Variants in SCN1A observed in about 807,000 individuals in gnomAD.
The protein encoded by SCN1A is sodium channel protein type 1 subunit alpha.
Under a neutral mutation model 193.7 loss-of-function variants are expected in SCN1A, and 13 were observed. The ratio of observed to expected loss-of-function variants is 0.07; its 90% CI spans 0.04 to 0.11. The LOEUF (loss-of-function observed/expected upper bound fraction) is 0.11, where lower values mean the gene tolerates loss of function less well. Ranked by LOEUF, SCN1A falls within the 10% of genes least tolerant of loss-of-function variation. SCN1A has a pLI of 1.00. For missense variants in SCN1A, 1,432 were observed against 2,451.1 expected, an observed-to-expected ratio of 0.58 and a Z score of 8.78; for synonymous variants, 781 against 843.6, an observed-to-expected ratio of 0.93 and a Z score of 1.29.
intron 1 of SCN1A, among the ~76,000 whole-genome samples, chr2:166,141,163 T>C (rs1275892291): frequency 6.6e-6 from 1 of 152,028 alleles, no homozygotes; most frequent in African/African-American, 2.4e-5. Flanking sequence ...TGCTTGTACA[T>C]ACTATTTAGA....
chr2:166,089,828 A>T (rs927475514), intron 2 of SCN1A, among the ~76,000 whole-genome samples: 13 of 152,154 alleles, frequency 8.5e-5, no homozygotes, highest in Non-Finnish European at 4.4e-5. Flanking sequence ...AACATGGATG[A>T]TGGTAAATGT....
In SCN1A at chr2:166,121,382, A is replaced by AT. The variant is rs34955939; in HGVS notation, c.-142+5541dup. ...TTCAGTTACTTATTGTAATACTTTA[A>AT]TTTTTTTTTACCAATTCCCCATGAA... On this transcript the variant is annotated intron_variant, in intron 2 of 28. Coordinates refer to ENST00000674923, the MANE Select transcript of SCN1A (RefSeq NM_001165963.4). 1.6e-3 allele frequency among the ~76,000 whole-genome samples: 247 copies of AT among 151,720 alleles called. 3 individuals are homozygous for AT. The highest frequency in any genetic ancestry group is 1.2e-3 in the South Asian group (6 of 4,806).
intron 1 of SCN1A, among the ~76,000 whole-genome samples, chr2:166,133,539 T>C (rs1053929735): frequency 7.9e-5 from 12 of 152,226 alleles, no homozygotes; most frequent in African/African-American, 2.7e-4. Flanking sequence ...TATCACTTGA[T>C]GTAATAGCAT....
At chr2:166,033,889 T>C (rs1412318227) in intron 19 of SCN1A, among the ~76,000 whole-genome samples, 1 of 152,158 alleles carries the variant, frequency 6.6e-6, no homozygotes, top group African/African-American at 2.4e-5. Flanking sequence ...CATCAAATGC[T>C]AAATGTAGGT....
At chr2:166,097,507 T>G (rs1687523772) in intron 2 of SCN1A, among the ~76,000 whole-genome samples, 1 of 152,156 alleles carries the variant, frequency 6.6e-6, no homozygotes, top group Non-Finnish European at 1.5e-5. Context: ...TTTAAAAAAA[T>G]GCTTATACGT....
rs16851338 is a variant in SCN1A at position 165,992,693 on chromosome 2, A to G, written c.4853-271T>C. 0.051 allele frequency: 9,029 copies of G among 177,598 alleles called. 872 individuals are homozygous for G. Among genetic ancestry groups the G allele is most frequent in the African/African-American group, 0.2 (8,482 of 41,952 alleles). The allele number at this position is 177,598 out of a possible 1,614,324, so 11.0% of individuals were successfully genotyped here. A position where few individuals can be genotyped will look rare whatever the true frequency, so the allele number is the denominator to read the frequency against. ...TACTTTTAGTTTATGTAAAGTCCCA[A>G]GTCAGAATTTAAAAAGAAAATAAGT... On this transcript the variant is annotated intron_variant, in intron 28 of 28. Transcript: ENST00000674923. The surrounding 1 kb of genome is among the most constrained non-coding windows in gnomAD (Gnocchi z 6.5).
intron 2 of SCN1A, among the ~76,000 whole-genome samples, chr2:166,118,144 A>G (rs10195747): frequency 1.0e-4 from 15 of 148,332 alleles, no homozygotes; most frequent in South Asian, 8.5e-4. Flanking sequence ...TGAAAAAAAA[A>G]AGAGAGAGAG....
intron 1 of SCN1A, among the ~76,000 whole-genome samples, chr2:166,147,401 T>A (rs1296271094): frequency 1.3e-5 from 2 of 152,118 alleles, no homozygotes. Flanking sequence ...CATTTTAAAA[T>A]GAAAAAATTA....
At chr2:166,136,549 TC>T (rs1474093186) in intron 1 of SCN1A, among the ~76,000 whole-genome samples, 3 of 152,146 alleles carry the variant, frequency 2.0e-5, no homozygotes, top group African/African-American at 7.2e-5. Flanking sequence ...CTGCCCTAAG[TC>T]TCCTCTCTTG....
At chr2:166,072,068 C>G (rs998551390) in intron 4 of SCN1A, among the ~76,000 whole-genome samples, 13 of 152,068 alleles carry the variant, frequency 8.5e-5, no homozygotes, top group African/African-American at 2.7e-4. Context: ...TTACAAATGC[C>G]AAACTTTTGC....
At chr2:166,049,519 A>G (rs1698294275) in intron 9 of SCN1A, among the ~76,000 whole-genome samples, 1 of 152,056 alleles carries the variant, frequency 6.6e-6, no homozygotes, top group South Asian at 2.1e-4. Flanking sequence ...AATCATATCA[A>G]CAACTGAAAT....
intron 9 of SCN1A, among the ~76,000 whole-genome samples, chr2:166,050,194 G>A (rs889039381): frequency 5.9e-5 from 9 of 151,850 alleles, no homozygotes; most frequent in African/African-American, 2.2e-4. Context: ...ATGAAGTTTT[G>A]CCCATTAAAT....
rs746510690 is a variant in SCN1A at position 166,073,442 on chromosome 2, G to T, written c.180C>A (p.Asn60Lys). 1 of 1,613,990 alleles carries T rather than the reference G, an allele frequency of 6.2e-7. No individual in the cohort carries two copies. Among genetic ancestry groups the T allele is most frequent in the Non-Finnish European group, 8.5e-7 (1 of 1,180,006 alleles). ...KPNSDLEAGK[N>K]LPFIYGDIPP... ...GAATGTCTCCATAAATAAATGGAAGGTTCTTTCCAGCTTCCAAGTCACTAT... is the reference window on the plus strand; with the variant it reads ...GAATGTCTCCATAAATAAATGGAAGTTTCTTTCCAGCTTCCAAGTCACTAT... The change falls in exon 4 of 29, where the codon AAC (asparagine) becomes AAA (lysine). Residue 60 changes from asparagine (N) to lysine (K), a missense_variant. Physicochemically the swap from Asn to Lys is moderately conservative, Grantham distance 94. Coordinates refer to ENST00000674923, the MANE Select transcript of SCN1A (RefSeq NM_001165963.4).
At chr2:166,016,423 A>G (rs1693303040) in intron 19 of SCN1A, 1 of 152,072 alleles carries the variant, frequency 6.6e-6, no homozygotes, top group African/African-American at 2.4e-5. Context: ...AATCATGTTT[A>G]TGTTAATGTG....
At chr2:166,057,192 C>T (rs1043371125) in intron 5 of SCN1A, among the ~76,000 whole-genome samples, 5 of 152,006 alleles carry the variant, frequency 3.3e-5, no homozygotes, top group African/African-American at 7.2e-5. Context: ...CTTCCTACTT[C>T]TCTACAATGG....
rs114316431 is a variant in SCN1A, at chr2:166,033,588, A to G, written c.3429+2460T>C. On this transcript the variant is annotated intron_variant, in intron 19 of 28. Transcript: ENST00000674923. ...TCACAATTTGAGAAGCACCACATTA[A>G]ATTATCTCTAAAGTTTCTATTACCT... 7.3e-3 allele frequency among the ~76,000 whole-genome samples: 1,116 copies of G among 152,240 alleles called. 22 individuals are homozygous for G. Among genetic ancestry groups the G allele is most frequent in the African/African-American group, 0.026 (1,073 of 41,550 alleles).
intron 28 of SCN1A, chr2:165,993,811 A>T (rs538021213): frequency 2.9e-6 from 1 of 342,032 alleles, no homozygotes; most frequent in African/African-American, 2.1e-5. Context: ...CTACATTTCT[A>T]GTCTTGTTAA....
chr2:166,026,342 T>C (rs1293618275), intron 19 of SCN1A, among the ~76,000 whole-genome samples: 1 of 152,138 alleles, frequency 6.6e-6, no homozygotes, highest in Non-Finnish European at 1.5e-5. Flanking sequence ...GATGAAGTGG[T>C]CCAATTCTTT....
chr2:166,122,282 G>A (rs142803252), intron 2 of SCN1A, among the ~76,000 whole-genome samples: 58 of 152,276 alleles, frequency 3.8e-4, no homozygotes, highest in African/African-American at 1.3e-3. Flanking sequence ...GTAACTTTGG[G>A]AAAGCATGTG....
Sources: gnomAD v4.1 joint callset for allele counts (sites outside exome capture counted in the v4.1 genomes callset) on GRCh38, gnomAD v4.1.1 for gene constraint, Gnocchi (gnomAD v3.1) non-coding constraint, MANE v1.5 for transcripts, NCBI Gene and HGNC (gene_info 2026-07-23, HGNC 2026-07-21) for gene names.